Variants in CFDP1 observed in about 807,000 individuals in gnomAD.
The protein encoded by CFDP1 is chromatin remodeling protein CFDP1, also known as heterochromatin-stabilizing protein CFDP1.
A neutral mutation model predicts 40.1 loss-of-function variants in CFDP1; 31 were observed. The observed-to-expected ratio is 0.77, with a 90% CI of 0.58 to 1.04. CFDP1 has a LOEUF of 1.04. Ranked by LOEUF, CFDP1 falls within the 50% of genes least tolerant of loss-of-function variation. The pLI is 0.00. For synonymous variants in CFDP1, 167 were observed against 120.0 expected (o/e 1.39, Z -2.56); for missense variants, 423 against 343.4 (o/e 1.23, Z -1.83).
At chr16:75,352,177 C>T (rs1234450498) in intron 5 of CFDP1, among the ~76,000 whole-genome samples, 1 of 151,654 alleles carries the variant, frequency 6.6e-6, no homozygotes. Context: ...CCTGTCTCTA[C>T]CAAAAATACA....
rs1007711027 is a variant in CFDP1, at chr16:75,376,525, C to T, written c.650+18565G>A. 3.3e-5 allele frequency among the ~76,000 whole-genome samples: 5 copies of T among 152,288 alleles called. No individual in the cohort carries two copies. In the East Asian group the frequency reaches 9.6e-4, roughly 29 times the overall value. On this transcript the variant is annotated intron_variant, in intron 5 of 6. Transcript: ENST00000283882. ...TGTATGCTTTGATTTCCATGACGTT[C>T]TGGAAAAGCAAAACTAATCTATCAT...
intron 5 of CFDP1, among the ~76,000 whole-genome samples, chr16:75,349,368 G>A (rs548210682): frequency 4.0e-5 from 6 of 151,436 alleles, no homozygotes; most frequent in African/African-American, 1.5e-4. Flanking sequence ...AAATTAGCCG[G>A]GCGTGGTGGC....
At chr16:75,336,941 T>C (rs2151518292) in intron 5 of CFDP1, among the ~76,000 whole-genome samples, 1 of 152,340 alleles carries the variant, frequency 6.6e-6, no homozygotes, top group South Asian at 2.1e-4. Flanking sequence ...CTTTAAAAAC[T>C]GGACAGTTGC....
intron 5 of CFDP1, among the ~76,000 whole-genome samples, chr16:75,349,482 C>T (rs969479216): frequency 6.7e-6 from 1 of 149,560 alleles, no homozygotes; most frequent in African/African-American, 2.5e-5. Flanking sequence ...GCACTCTAGC[C>T]TGGGTGACAG....
Position 75,391,978 on chromosome 16 carries a change from A to AAAT in CFDP1, c.650+3111_650+3112insATT, listed in dbSNP as rs1555562889. Among the ~76,000 whole-genome samples, 1,112 of 151,990 alleles carry AAAT rather than the reference A, an allele frequency of 7.3e-3. 9 individuals are homozygous for AAAT. The highest frequency in any genetic ancestry group is 0.025 in the African/African-American group (1,036 of 41,436). ...GCAAGACTCCGTCTCAAAAAAATAA[A>AAAT]AAATAAATAAATAAATAAATAAAGC... On this transcript the variant is annotated intron_variant, in intron 5 of 6. Transcript: ENST00000283882.
At chr16:75,311,703 T>C (rs186428561) in intron 5 of CFDP1, among the ~76,000 whole-genome samples, 53 of 152,282 alleles carry the variant, frequency 3.5e-4, no homozygotes, top group Non-Finnish European at 6.9e-4. Flanking sequence ...ACAAAAATTC[T>C]TTGGCAGAGA....
intron 3 of CFDP1, 39 bp downstream of exon 3, chr16:75,412,496 T>G (rs775874989): frequency 6.8e-7 from 1 of 1,475,018 alleles, no homozygotes; most frequent in Non-Finnish European, 9.5e-7. Flanking sequence ...TGTAGGGTAT[T>G]TCTGGAGAGG....
chr16:75,295,396 G>A (rs2078175162), intron 6 of CFDP1, among the ~76,000 whole-genome samples: 1 of 152,234 alleles, frequency 6.6e-6, no homozygotes, highest in Non-Finnish European at 1.5e-5. Context: ...CTGTAATAAA[G>A]ATAATAAATA....
At chr16:75,328,599 T>TAAAAA (rs534769130) in intron 5 of CFDP1, among the ~76,000 whole-genome samples, 5 of 63,922 alleles carry the variant, frequency 7.8e-5, no homozygotes, top group African/African-American at 3.4e-4. Context: ...AACTCTGTCT[T>TAAAAA]AAAAAAAAAA....
intron 5 of CFDP1, among the ~76,000 whole-genome samples, chr16:75,327,250 G>A (rs2078408993): frequency 1.3e-5 from 2 of 152,166 alleles, no homozygotes; most frequent in South Asian, 2.1e-4. Flanking sequence ...CTGGACGACA[G>A]TGCAAGACTC....
At chr16:75,305,928 G>A (rs1383792697) in intron 5 of CFDP1, among the ~76,000 whole-genome samples, 1 of 152,194 alleles carries the variant, frequency 6.6e-6, no homozygotes, top group Non-Finnish European at 1.5e-5. Context: ...ATGCTATCAT[G>A]GACAGTGGGA....
intron 1 of CFDP1, among the ~76,000 whole-genome samples, chr16:75,429,018 G>C (rs1167780947): frequency 1.9e-5 from 2 of 107,310 alleles, no homozygotes; most frequent in Non-Finnish European, 4.5e-5. Flanking sequence ...TCCGGAGGCT[G>C]AGGTGGGAGA....
intron 5 of CFDP1, among the ~76,000 whole-genome samples, chr16:75,390,271 C>CT (rs1307173018): frequency 3.9e-5 from 6 of 152,332 alleles, no homozygotes; most frequent in Admixed American, 3.9e-4. Context: ...GAAGACTCTC[C>CT]TTAAACCAAA....
At chr16:75,366,400 G>C (rs764179422) in intron 5 of CFDP1, among the ~76,000 whole-genome samples, 9 of 152,078 alleles carry the variant, frequency 5.9e-5, no homozygotes, top group Non-Finnish European at 8.8e-5. Context: ...CAGCACTTTG[G>C]GAGGCTGAGG....
At chr16:75,349,384 A>G (rs1201647206) in intron 5 of CFDP1, among the ~76,000 whole-genome samples, 1 of 151,012 alleles carries the variant, frequency 6.6e-6, no homozygotes, top group Non-Finnish European at 1.5e-5. Flanking sequence ...GTGGCGGGCG[A>G]CTGTAATCCC....
rs536416553 is a variant in CFDP1, at chr16:75,297,076, C to G, written c.810-3034G>C. Among the ~76,000 whole-genome samples the G allele has an allele frequency of 3.3e-5, 5 of 151,238 alleles. No individual in the cohort carries two copies. The South Asian group carries it at 1.0e-3, about 31-fold the overall frequency. ...CAATCCAATGAAACTGTGAGAAGTG[C>G]TTTGTATACAATAAAACAAAAAATA... On this transcript the variant is annotated intron_variant, in intron 6 of 6. Transcript: ENST00000283882.
chr16:75,426,110 G>T (rs1172767042), intron 1 of CFDP1, among the ~76,000 whole-genome samples: 3 of 150,516 alleles, frequency 2.0e-5, no homozygotes, highest in Non-Finnish European at 1.5e-5. Flanking sequence ...CAACACTTTG[G>T]GAGGCCGAGG....
intron 4 of CFDP1, among the ~76,000 whole-genome samples, chr16:75,397,908 A>T (rs1051155486): frequency 6.6e-6 from 1 of 152,254 alleles, no homozygotes; most frequent in African/African-American, 2.4e-5. Flanking sequence ...AAGGCCAATG[A>T]AGTATTAGCT....
intron 6 of CFDP1, chr16:75,301,815 A>T (rs987334612): frequency 6.6e-6 from 1 of 152,156 alleles, no homozygotes; most frequent in African/African-American, 2.4e-5. Context: ...AACTTTGGAA[A>T]ATGTCACCAG....
Sources: gnomAD v4.1 joint callset for allele counts (sites outside exome capture counted in the v4.1 genomes callset) on GRCh38, gnomAD v4.1.1 for gene constraint, MANE v1.5 for transcripts, NCBI Gene and HGNC (gene_info 2026-07-23, HGNC 2026-07-21) for gene names.